Variants in ZCWPW1 observed in about 807,000 individuals in gnomAD.
The protein encoded by ZCWPW1 is zinc finger CW-type PWWP domain protein 1.
A neutral mutation model predicts 81.3 loss-of-function variants in ZCWPW1; 56 were observed. The observed-to-expected ratio is 0.69, with a 90% CI of 0.56 to 0.86. The LOEUF is 0.86. ZCWPW1 is among the 40% of genes least tolerant of loss of function. ZCWPW1 has a pLI of 0.00. For missense variants in ZCWPW1, 650 were observed against 769.8 expected, an observed-to-expected ratio of 0.84 and a Z score of 1.84; for synonymous variants, 250 against 273.7, an observed-to-expected ratio of 0.91 and a Z score of 0.86.
In ZCWPW1 at chr7:100,416,256, T is replaced by C. The variant is rs778252445; in HGVS notation, c.631+49A>G. On this transcript the variant is annotated intron_variant, in intron 7 of 17. Coordinates refer to ENST00000684423, the MANE Select transcript of ZCWPW1 (RefSeq NM_001386010.1). ...CCCATGGTCCCATTCCCTAATTTCC[T>C]GGAGCTAGTACTTGAGCCAGGCTTC... 5 of 1,601,976 alleles carry C rather than the reference T, an allele frequency of 3.1e-6. No individual in the cohort carries two copies. In the Admixed American group the frequency reaches 8.5e-5, roughly 27 times the overall value.
Position 100,406,776 on chromosome 7 carries a change from A to C in ZCWPW1, c.1091T>G (p.Phe364Cys). The C allele has an allele frequency of 6.2e-7, 1 of 1,614,166 alleles. No individual in the cohort carries two copies. The highest frequency in any genetic ancestry group is 8.5e-7 in the Non-Finnish European group (1 of 1,180,022). The change falls in exon 12 of 18, where the codon TTT becomes TGT. Residue 364 changes from phenylalanine (F) to cysteine (C), a missense_variant. By Grantham distance (205) the Phe-to-Cys change is radical (BLOSUM62 -2). Transcript: ENST00000684423. ...SLPSKYHVTF[F>C]GETVSRAWIP... ...CCATGCACGAGAAACTGTTTCTCCAAAAAACGTCACATGGTACTTAGACTG... is the reference window on the plus strand; with the variant it reads ...CCATGCACGAGAAACTGTTTCTCCACAAAACGTCACATGGTACTTAGACTG...
At position 100,408,822 on chromosome 7, in the gene ZCWPW1, G is replaced by GGAAATGCAGCTGGAACCAGCT. The variant is rs144313883; in HGVS notation, c.872-184_872-164dup. On this transcript the variant is annotated intron_variant, in intron 9 of 17. Coordinates refer to ENST00000684423, the MANE Select transcript of ZCWPW1 (RefSeq NM_001386010.1). ...CAGAGGAAGAATAAAGACCCATGGA[G>GGAAATGCAGCTGGAACCAGCT]GAAATGCAGCTGGAACCAGCTGAAA... is the stretch of plus-strand genomic sequence containing the variant. 8.5e-3 allele frequency among the ~76,000 whole-genome samples: 1,265 copies of GGAAATGCAGCTGGAACCAGCT among 149,276 alleles called. 12 individuals are homozygous for GGAAATGCAGCTGGAACCAGCT. The highest frequency in any genetic ancestry group is 0.027 in the African/African-American group (1,046 of 38,894).
Position 100,421,778 on chromosome 7 carries a change from C to T in ZCWPW1, c.-29-1100G>A, listed in dbSNP as rs189850555. On this transcript the variant is annotated intron_variant, in intron 2 of 17. Transcript: ENST00000684423. ...TGCGATCTCGGTGCACCGCAACCTC[C>T]GCCTCCCGGGTTCAAGCGATTCTCC... 1.5e-3 allele frequency among the ~76,000 whole-genome samples: 226 copies of T among 151,804 alleles called. 1 individual carries two copies. Among genetic ancestry groups the T allele is most frequent in the African/African-American group, 5.0e-3 (205 of 41,350 alleles).
At chr7:100,417,223 C>A (rs73161762) in intron 5 of ZCWPW1, 40 bp from the exon 6 acceptor site, 5 of 1,541,412 alleles carry the variant, frequency 3.2e-6, no homozygotes, top group Non-Finnish European at 2.7e-6. Context: ...AGCAAAAAAA[C>A]GAAAAAGCCA....
chr7:100,415,332 C>T (rs758289375), intron 8 of ZCWPW1, among the ~76,000 whole-genome samples: 8 of 151,994 alleles, frequency 5.3e-5, no homozygotes, highest in Admixed American at 1.3e-4. Context: ...CCACCCACCT[C>T]GGCATCCCAC....
chr7:100,424,725 GC>G (rs762391505), intron 2 of ZCWPW1, among the ~76,000 whole-genome samples: 1 of 152,156 alleles, frequency 6.6e-6, no homozygotes, highest in Non-Finnish European at 1.5e-5. Flanking sequence ...CTCCCAAAGT[GC>G]TGGGATTACA....
At chr7:100,421,236 C>T (rs1796283637) in intron 2 of ZCWPW1, among the ~76,000 whole-genome samples, 2 of 152,148 alleles carry the variant, frequency 1.3e-5, no homozygotes, top group Admixed American at 1.3e-4. Flanking sequence ...CCATGTCCAA[C>T]CTAAGGCAGG....
chr7:100,416,986 G>T, intron 6 of ZCWPW1, 80 bp downstream of exon 6: 19 of 952,850 alleles, frequency 2.0e-5, no homozygotes, highest in Non-Finnish European at 2.8e-5. Flanking sequence ...TGACCAGATA[G>T]ACAGACAGAT....
At chr7:100,418,051 A>G (rs1795661965) in intron 5 of ZCWPW1, among the ~76,000 whole-genome samples, 1 of 151,824 alleles carries the variant, frequency 6.6e-6, no homozygotes, top group South Asian at 2.1e-4. Flanking sequence ...CGCCTGGCTA[A>G]TTTTTATATT....
At chr7:100,407,857 A>C (rs1188877959) in intron 10 of ZCWPW1, among the ~76,000 whole-genome samples, 7 of 152,202 alleles carry the variant, frequency 4.6e-5, no homozygotes, top group Non-Finnish European at 8.8e-5. Flanking sequence ...AGCCATCCAC[A>C]ATCCTAAGAA....
chr7:100,404,630 G>A (rs1792609859), intron 13 of ZCWPW1, among the ~76,000 whole-genome samples: 1 of 152,074 alleles, frequency 6.6e-6, no homozygotes, highest in South Asian at 2.1e-4. Context: ...AAAGTGCTAG[G>A]ATTACAGGCG....
At chr7:100,424,804 A>G (rs1415994776) in intron 2 of ZCWPW1, among the ~76,000 whole-genome samples, 1 of 152,170 alleles carries the variant, frequency 6.6e-6, no homozygotes, top group Non-Finnish European at 1.5e-5. Context: ...CGACCAACCT[A>G]AAAATGCAAA....
intron 1 of ZCWPW1, among the ~76,000 whole-genome samples, chr7:100,427,360 CG>C (rs1216159444): frequency 6.6e-6 from 1 of 150,614 alleles, no homozygotes; most frequent in Non-Finnish European, 1.5e-5. Context: ...GTCAGGAGTT[CG>C]GGACCAGCCT....
chr7:100,404,542 C>A (rs1792583519), intron 13 of ZCWPW1, among the ~76,000 whole-genome samples: 1 of 151,932 alleles, frequency 6.6e-6, no homozygotes, highest in Admixed American at 6.6e-5. Flanking sequence ...GTATTTTTTG[C>A]AGAGATGGGG....
intron 13 of ZCWPW1, 72 bp downstream of exon 13, chr7:100,404,941 T>C: frequency 2.0e-6 from 3 of 1,508,474 alleles, no homozygotes; most frequent in Non-Finnish European, 1.8e-6. Context: ...ACCATCTTTG[T>C]CTGGACTGAG....
intron 15 of ZCWPW1, 41 bp downstream of exon 15, chr7:100,403,653 A>G (rs1397856129): frequency 1.3e-6 from 2 of 1,541,466 alleles, no homozygotes; most frequent in Non-Finnish European, 1.8e-6. Flanking sequence ...GTGAAACTCC[A>G]TCTCTATAAA....
At chr7:100,420,238 A>C (rs1290018421) in intron 3 of ZCWPW1, among the ~76,000 whole-genome samples, 1 of 152,222 alleles carries the variant, frequency 6.6e-6, no homozygotes, top group Non-Finnish European at 1.5e-5. Context: ...GTTATGGAAA[A>C]TTAGAGCAAA....
chr7:100,405,582 C>T (rs1450710579), intron 12 of ZCWPW1, among the ~76,000 whole-genome samples: 3 of 152,126 alleles, frequency 2.0e-5, no homozygotes, highest in Admixed American at 6.6e-5. Context: ...ATTTAGGGAT[C>T]GGACATAACA....
chr7:100,417,015 T>A, intron 6 of ZCWPW1, 51 bp downstream of exon 6: 1 of 1,295,004 alleles, frequency 7.7e-7, no homozygotes, highest in Middle Eastern at 2.0e-4. Flanking sequence ...TGACTGACCA[T>A]GAATGTGTAG....
Sources: allele counts gnomAD v4.1 joint callset (sites outside exome capture counted in the v4.1 genomes callset), GRCh38; gene constraint gnomAD v4.1.1; transcripts MANE v1.5; gene names NCBI Gene and HGNC (gene_info 2026-07-23, HGNC 2026-07-21).